The following PTK2B variants were observed in gnomAD, a reference collection of about 807,000 sequenced individuals.
PTK2B encodes protein tyrosine kinase 2 beta, also known as protein-tyrosine kinase 2-beta.
Under a neutral mutation model 142.9 loss-of-function variants are expected in PTK2B, and 71 were observed. That is an observed-to-expected ratio of 0.50 (90% CI 0.41 to 0.61). PTK2B has a LOEUF of 0.61. Among genes scored for constraint, PTK2B ranks in the 20% least tolerant of loss-of-function variants. The probability of loss-of-function intolerance (pLI) is 0.00; values close to 1 mark genes in which losing one functional copy is unlikely to be tolerated. For synonymous variants in PTK2B, 519 were observed against 503.4 expected, an observed-to-expected ratio of 1.03 and a Z score of -0.42; for missense variants, 1,105 against 1,320.4, an observed-to-expected ratio of 0.84 and a Z score of 2.53.
intron 1 of PTK2B, among the ~76,000 whole-genome samples, chr8:27,389,895 A>G (rs1563244567): frequency 6.6e-6 from 1 of 152,184 alleles, no homozygotes; most frequent in Non-Finnish European, 1.5e-5. Flanking sequence ...AGCCTTGCCC[A>G]GAAACCTAGG....
intron 5 of PTK2B, among the ~76,000 whole-genome samples, chr8:27,425,857 T>C (rs1810052272): frequency 6.6e-6 from 1 of 152,234 alleles, no homozygotes; most frequent in Non-Finnish European, 1.5e-5. Context: ...GAATCTCATA[T>C]AGTTGGAATG....
intron 21 of PTK2B, among the ~76,000 whole-genome samples, chr8:27,442,391 A>C (rs1328385097): frequency 2.0e-5 from 3 of 152,200 alleles, no homozygotes; most frequent in Non-Finnish European, 4.4e-5. Context: ...AGAGGCGCGC[A>C]CATGGCTAGC....
rs778316733 is a variant in PTK2B at position 27,434,563 on chromosome 8, A to G, written c.1192+4A>G. The G allele has an allele frequency of 6.3e-6, 10 of 1,599,950 alleles. No homozygotes were observed. The highest frequency in any genetic ancestry group is 8.5e-6 in the Non-Finnish European group (10 of 1,173,212). ...CTCTCAGAGAGCTGCAGCATAGGTG[A>G]GCTGCCCGCTGCATCCTCCACCTGC... On this transcript the variant is annotated splice_donor_region_variant and intron_variant, in intron 13 of 30. Coordinates refer to ENST00000346049, the MANE Select transcript of PTK2B (RefSeq NM_173176.3).
intron 21 of PTK2B, among the ~76,000 whole-genome samples, chr8:27,442,554 C>G (rs1811216034): frequency 6.6e-6 from 1 of 152,216 alleles, no homozygotes; most frequent in African/African-American, 2.4e-5. Flanking sequence ...ATCACAAGCC[C>G]AGGAGGGCAA....
In PTK2B at chr8:27,424,242, A is replaced by G. The variant is rs572163737; in HGVS notation, c.551+1859A>G. ...CACTTAGTTGTAAAACAGCACCACA[A>G]AGACCCATTAACATTCTATTTTATT... On this transcript the variant is annotated intron_variant, in intron 5 of 30. Coordinates refer to ENST00000346049, the MANE Select transcript of PTK2B (RefSeq NM_173176.3). Among the ~76,000 whole-genome samples, 3 of 152,328 alleles carry G rather than the reference A, an allele frequency of 2.0e-5. No homozygotes were observed. In the East Asian group the frequency reaches 5.8e-4, roughly 29 times the overall value.
chr8:27,446,699 G>T (rs1007636656), intron 24 of PTK2B, among the ~76,000 whole-genome samples: 2 of 152,098 alleles, frequency 1.3e-5, no homozygotes, highest in African/African-American at 2.4e-5. Context: ...CTGCATGCAT[G>T]CACAATATTT....
intron 17 of PTK2B, 31 bp downstream of exon 17, chr8:27,437,527 G>C: frequency 6.5e-7 from 1 of 1,531,676 alleles, no homozygotes; most frequent in Non-Finnish European, 8.9e-7. Flanking sequence ...ATGACAACTG[G>C]GCTGCAGCAT....
chr8:27,316,434 A>G (rs781030398), intron 3 of PTK2B, among the ~76,000 whole-genome samples: 7 of 152,232 alleles, frequency 4.6e-5, no homozygotes, highest in Non-Finnish European at 1.0e-4. Context: ...ATACAGATTG[A>G]ACTAACAGGA....
At chr8:27,433,353 C>T (rs761197573) in intron 10 of PTK2B, 82 bp from the exon 11 acceptor site, 5 of 1,225,172 alleles carry the variant, frequency 4.1e-6, no homozygotes, top group Admixed American at 1.9e-5. Context: ...TGGCAGGGGT[C>T]CTGCCATCTC....
chr8:27,368,294 C>T (rs1401511849), intron 1 of PTK2B, among the ~76,000 whole-genome samples: 2 of 152,196 alleles, frequency 1.3e-5, no homozygotes, highest in Non-Finnish European at 2.9e-5. Flanking sequence ...TAGGCAGGCT[C>T]CTCTGAGCCC....
At chr8:27,323,782 G>A (rs982802869), upstream of PTK2B, among the ~76,000 whole-genome samples, 1 of 152,088 alleles carries the variant, frequency 6.6e-6, no homozygotes, top group East Asian at 1.9e-4. Context: ...AAAAAGCTAT[G>A]GGTTTATGAT....
At chr8:27,317,116 A>G (rs998380500) in intron 3 of PTK2B, among the ~76,000 whole-genome samples, 3 of 152,232 alleles carry the variant, frequency 2.0e-5, no homozygotes, top group African/African-American at 7.2e-5. Context: ...ACCAATGTCC[A>G]GAAATGAAAT....
intron 1 of PTK2B, among the ~76,000 whole-genome samples, chr8:27,348,721 TG>T (rs1374175395): frequency 6.6e-6 from 1 of 152,024 alleles, no homozygotes; most frequent in African/African-American, 2.4e-5. Context: ...AATATCTTTG[TG>T]GGGGCGGCTG....
chr8:27,424,114 A>G (rs1227279612), intron 5 of PTK2B, among the ~76,000 whole-genome samples: 1 of 152,162 alleles, frequency 6.6e-6, no homozygotes, highest in Non-Finnish European at 1.5e-5. Context: ...AAAATTAGAC[A>G]AGTCGAAAAA....
At chr8:27,416,441 G>A (rs954891615) in intron 2 of PTK2B, among the ~76,000 whole-genome samples, 1 of 152,144 alleles carries the variant, frequency 6.6e-6, no homozygotes, top group Non-Finnish European at 1.5e-5. Flanking sequence ...AACCAATGCT[G>A]AACAACCGTA....
At position 27,437,481 on chromosome 8, in the gene PTK2B, G is replaced by T. The variant is rs1171515087; in HGVS notation, c.1512G>T (p.Leu504Phe). Residue 504 changes from leucine to phenylalanine, a missense_variant, in exon 17 of 31, where the codon TTG (leucine) becomes TTT (phenylalanine). Transcript: ENST00000346049. ...EEEPTWIIME[L>F]YPYGELGHYL... Reference sequence around the variant, plus strand: ...AGCCCACCTGGATCATCATGGAATTGTATCCCTATGGGGAGGTGAGCTGGA... The same window carrying T: ...AGCCCACCTGGATCATCATGGAATTTTATCCCTATGGGGAGGTGAGCTGGA... 1 of 1,610,852 alleles carries T rather than the reference G, an allele frequency of 6.2e-7. No individual in the cohort carries two copies. The highest frequency in any genetic ancestry group is 1.1e-5 in the South Asian group (1 of 90,634).
chr8:27,318,228 A>G (rs1356323621), intron 3 of PTK2B, among the ~76,000 whole-genome samples: 2 of 152,158 alleles, frequency 1.3e-5, no homozygotes, highest in Admixed American at 6.5e-5. Flanking sequence ...CTAACAATGC[A>G]TTTGCCTGCA....
intron 1 of PTK2B, among the ~76,000 whole-genome samples, chr8:27,378,521 G>T (rs575179918): frequency 1.3e-5 from 2 of 152,094 alleles, no homozygotes; most frequent in Admixed American, 6.6e-5. Context: ...GATAGATAAG[G>T]TGATGTCTCC....
At chr8:27,350,990 A>AAATATATATAT (rs1554483396) in intron 1 of PTK2B, among the ~76,000 whole-genome samples, 2 of 12,090 alleles carry the variant, frequency 1.7e-4, no homozygotes, top group Non-Finnish European at 3.1e-4. Flanking sequence ...AAAAAAAAAA[A>AAATATATATAT]ATATATATAT....
Sources: gnomAD v4.1 joint callset for allele counts (sites outside exome capture counted in the v4.1 genomes callset) on GRCh38, gnomAD v4.1.1 for gene constraint, MANE v1.5 for transcripts, NCBI Gene and HGNC (gene_info 2026-07-23, HGNC 2026-07-21) for gene names.